Variants in UST observed in about 807,000 individuals in gnomAD.
UST encodes the protein chondroitin sulfate 2-O-sulfotransferase.
Under a neutral mutation model 45.6 loss-of-function variants are expected in UST, and 21 were observed. The ratio of observed to expected loss-of-function variants is 0.46; its 90% CI spans 0.33 to 0.66. The LOEUF (loss-of-function observed/expected upper bound fraction) is 0.66. UST is among the 30% of genes least tolerant of loss of function. The pLI is 0.02. For missense variants in UST, 463 were observed against 512.4 expected (o/e 0.90, Z 0.93); for synonymous variants, 215 against 200.6 (o/e 1.07, Z -0.61).
chr6:149,035,672 C>T lies in UST; in HGVS notation c.937+14191C>T, dbSNP rs527354787. Among the ~76,000 whole-genome samples, 10 of 151,846 alleles carry T rather than the reference C, an allele frequency of 6.6e-5. No individual in the cohort carries two copies. The South Asian group carries it at 1.5e-3, about 22-fold the overall frequency. On this transcript the variant is annotated intron_variant, in intron 7 of 7. Transcript: ENST00000367463. Reference sequence around the variant, plus strand: ...ATTTGAGAGGCTGAGGTGGGAGGATCGCTTGAGCCCCAGAGGCAGAGGTTG... The same window carrying T: ...ATTTGAGAGGCTGAGGTGGGAGGATTGCTTGAGCCCCAGAGGCAGAGGTTG...
At chr6:148,798,493 G>A (rs962033268) in intron 1 of UST, among the ~76,000 whole-genome samples, 9 of 152,142 alleles carry the variant, frequency 5.9e-5, no homozygotes, top group African/African-American at 2.2e-4. Context: ...TGGAGATAGA[G>A]GCTGTGGATC....
chr6:148,957,289 A>G (rs1780534619), intron 4 of UST, among the ~76,000 whole-genome samples: 1 of 152,228 alleles, frequency 6.6e-6, no homozygotes, highest in Non-Finnish European at 1.5e-5. Context: ...ACTTTAATAT[A>G]TGACAAGATT....
chr6:148,894,078 T>C (rs1779072632), intron 2 of UST, among the ~76,000 whole-genome samples: 1 of 152,078 alleles, frequency 6.6e-6, no homozygotes, highest in Admixed American at 6.5e-5. Context: ...GCTGGAGTTT[T>C]AAGAGTGGTA....
At chr6:148,895,366 A>C (rs1430226528) in intron 2 of UST, among the ~76,000 whole-genome samples, 1 of 152,208 alleles carries the variant, frequency 6.6e-6, no homozygotes, top group Non-Finnish European at 1.5e-5. Context: ...CATTTAAGAC[A>C]AAGTTACCGA....
At chr6:148,802,294 A>G (rs1714951076) in intron 1 of UST, among the ~76,000 whole-genome samples, 1 of 152,258 alleles carries the variant, frequency 6.6e-6, no homozygotes, top group African/African-American at 2.4e-5. Context: ...TAGTTCTTAC[A>G]AAGATGAATT....
At chr6:148,770,552 AGT>A (rs1356837895) in intron 1 of UST, among the ~76,000 whole-genome samples, 2 of 151,732 alleles carry the variant, frequency 1.3e-5, no homozygotes, top group Non-Finnish European at 2.9e-5. Flanking sequence ...TAGACCACAG[AGT>A]GAGAGCAGAT....
intron 5 of UST, among the ~76,000 whole-genome samples, chr6:148,982,361 AGT>A (rs1781155256): frequency 6.6e-6 from 1 of 152,114 alleles, no homozygotes; most frequent in Admixed American, 6.6e-5. Context: ...GGCCTCCCAA[AGT>A]GCTGGGATTA....
intron 1 of UST, among the ~76,000 whole-genome samples, chr6:148,766,946 T>C (rs1776336374): frequency 6.6e-6 from 1 of 152,240 alleles, no homozygotes; most frequent in African/African-American, 2.4e-5. Context: ...TATAACACTT[T>C]AGCTTACAGC....
chr6:149,061,547 T>TCCC (rs35057458), intron 7 of UST, among the ~76,000 whole-genome samples: 98,850 of 151,812 alleles, frequency 0.65, 33,000 homozygotes, highest in African/African-American at 0.79. Flanking sequence ...GAAGTTAAGC[T>TCCC]AGTGTTTGTT....
At chr6:148,826,365 G>A (rs1483537009) in intron 1 of UST, among the ~76,000 whole-genome samples, 1 of 151,952 alleles carries the variant, frequency 6.6e-6, no homozygotes, top group African/African-American at 2.4e-5. Context: ...CACCTGCCTC[G>A]GCCTCCCAAA....
At chr6:148,813,887 A>G (rs1404843041) in intron 1 of UST, among the ~76,000 whole-genome samples, 1 of 152,198 alleles carries the variant, frequency 6.6e-6, no homozygotes, top group African/African-American at 2.4e-5. Flanking sequence ...TTAATATGTT[A>G]TAAATGAATA....
At chr6:148,882,486 C>CA (rs397741900) in intron 1 of UST, among the ~76,000 whole-genome samples, 17,792 of 74,080 alleles carry the variant, frequency 0.24, 2,355 homozygotes, top group Non-Finnish European at 0.28. Flanking sequence ...AACTCCATCT[C>CA]AAAAAAAAAA....
At chr6:148,794,194 T>G (rs930554721) in intron 1 of UST, among the ~76,000 whole-genome samples, 2 of 152,230 alleles carry the variant, frequency 1.3e-5, no homozygotes, top group African/African-American at 2.4e-5. Flanking sequence ...CTCTGTTAGT[T>G]GAATATCAAA....
chr6:148,932,502 C>CT (rs1388753963), intron 2 of UST, among the ~76,000 whole-genome samples: 1 of 152,148 alleles, frequency 6.6e-6, no homozygotes, highest in African/African-American at 2.4e-5. Context: ...AAGTGAATCT[C>CT]TTTGTTCCTC....
At chr6:148,932,286 A>G (rs1429363208) in intron 2 of UST, among the ~76,000 whole-genome samples, 1 of 152,130 alleles carries the variant, frequency 6.6e-6, no homozygotes, top group Non-Finnish European at 1.5e-5. Context: ...AGGCTGAGGA[A>G]TGAGAATCAC....
At chr6:148,759,348 AC>A (rs1476962430) in intron 1 of UST, among the ~76,000 whole-genome samples, 9 of 151,306 alleles carry the variant, frequency 5.9e-5, no homozygotes, top group African/African-American at 2.2e-4. Flanking sequence ...ACATGGTGAA[AC>A]CCCGTCTCTA....
At chr6:148,930,596 G>A (rs1779903008) in intron 2 of UST, among the ~76,000 whole-genome samples, 1 of 152,190 alleles carries the variant, frequency 6.6e-6, no homozygotes, top group African/African-American at 2.4e-5. Context: ...CCTCCTAGGG[G>A]AAAGAGAGGT....
intron 3 of UST, among the ~76,000 whole-genome samples, chr6:148,948,452 C>A (rs1374060066): frequency 6.6e-6 from 1 of 152,168 alleles, no homozygotes; most frequent in Non-Finnish European, 1.5e-5. Flanking sequence ...TTCTGCTGCA[C>A]CATCCCAGCC....
At chr6:149,028,002 C>T (rs1309064032) in intron 7 of UST, among the ~76,000 whole-genome samples, 1 of 152,078 alleles carries the variant, frequency 6.6e-6, no homozygotes, top group African/African-American at 2.4e-5. Context: ...CACTACCATG[C>T]CCAGCTAATT....
Sources: gnomAD v4.1 joint callset for allele counts (sites outside exome capture counted in the v4.1 genomes callset) on GRCh38, gnomAD v4.1.1 for gene constraint, MANE v1.5 for transcripts, NCBI Gene and HGNC (gene_info 2026-07-23, HGNC 2026-07-21) for gene names.